Variants in ZNF836 observed in about 807,000 individuals in gnomAD.
The protein encoded by ZNF836 is zinc finger protein 836.
In ZNF836, 12 loss-of-function variants were observed where a neutral mutation model predicts 7.4. That is an observed-to-expected ratio of 1.61 (90% CI 1.03 to 2.61). The LOEUF (loss-of-function observed/expected upper bound fraction) is 2.61. Among genes scored for constraint, ZNF836 ranks in the 30% most tolerant of loss-of-function variants. The pLI, the probability that ZNF836 is intolerant of heterozygous loss-of-function variation, is 0.00. For missense variants in ZNF836, 998 were observed against 1,126.2 expected (o/e 0.89, Z 1.63); for synonymous variants, 365 against 382.6 (o/e 0.95, Z 0.54).
At chr19:52,162,138 C>A (rs1372671334) in intron 3 of ZNF836, among the ~76,000 whole-genome samples, 1 of 152,210 alleles carries the variant, frequency 6.6e-6, no homozygotes, top group Non-Finnish European at 1.5e-5. Flanking sequence ...TTGTTGGGAT[C>A]ACCCCACATG....
chr19:52,160,123 C>T (rs2089199753), intron 4 of ZNF836, among the ~76,000 whole-genome samples: 1 of 148,190 alleles, frequency 6.7e-6, no homozygotes, highest in African/African-American at 2.5e-5. Context: ...GCGGAGGTTG[C>T]AGTGAGTTGG....
At position 52,154,935 on chromosome 19, in the gene ZNF836, ACT is replaced by A. The variant is rs747384629; in HGVS notation, c.2746_2747del (p.Leu917Ter). Reference sequence around the variant, plus strand: ...TTTCCACATTGAATTTTGTTTTAAGACTCTCTGCAGTATGTTTTGTCTGATGT... The same window carrying A: ...TTTCCACATTGAATTTTGTTTTAAGACTCTGCAGTATGTTTTGTCTGATGT... ...TKHQTKHTAE[S>X]LKTKFNVEKP... is the part of the protein sequence containing the mutation. On this transcript the variant is annotated frameshift_variant, in exon 5 of 5. Coordinates refer to ENST00000682614, the MANE Select transcript of ZNF836 (RefSeq NM_001102657.3). LOFTEE classifies it low-confidence loss of function (END_TRUNC). 1.3e-6 allele frequency: 2 copies of A among 1,560,604 alleles called. No individual in the cohort carries two copies. The highest frequency in any genetic ancestry group is 2.3e-5 in the East Asian group (1 of 44,424).
intron 4 of ZNF836, 177 bp downstream of exon 4, chr19:52,160,288 A>T: frequency 1.5e-6 from 1 of 689,124 alleles, no homozygotes; most frequent in Non-Finnish European, 2.5e-6. Flanking sequence ...CAAAAAGGGG[A>T]TAGTGTGATG....
intron 3 of ZNF836, 83 bp downstream of exon 3, chr19:52,167,975 G>T: frequency 9.6e-7 from 1 of 1,043,118 alleles, no homozygotes; most frequent in Non-Finnish European, 1.5e-6. Context: ...GGATGCTTCA[G>T]ACTCAGAGGA....
rs2089170426 is a variant in ZNF836, at chr19:52,157,075, G to A, written c.608C>T (p.Ser203Leu). Residue 203 changes from serine (S) to leucine (L), a missense_variant, in exon 5 of 5, where the codon TCA becomes TTA. By Grantham distance (145) the Ser-to-Leu change is moderately radical. Coordinates refer to ENST00000682614, the MANE Select transcript of ZNF836 (RefSeq NM_001102657.3). ...KKYENEFLQL[S>L]LPTQLEKTHI... ...TGTTTTCTCAAGTTGGGTGGGTAAT[G>A]ACAGCTGCAAAAACTCATTCTCATA... 10 of 1,613,964 alleles carry A rather than the reference G, an allele frequency of 6.2e-6. No individual in the cohort carries two copies. The highest frequency in any genetic ancestry group is 8.5e-6 in the Non-Finnish European group (10 of 1,179,878).
chr19:52,156,577 T>G lies in ZNF836; in HGVS notation c.1106A>C (p.Gln369Pro), dbSNP rs2089162710. 1 of 1,614,176 alleles carries G rather than the reference T, an allele frequency of 6.2e-7. No individual in the cohort carries two copies. Among genetic ancestry groups the G allele is most frequent in the Non-Finnish European group, 8.5e-7 (1 of 1,180,016 alleles). The change falls in exon 5 of 5, where the codon CAG becomes CCG. Residue 369 changes from glutamine to proline, a missense_variant. Gln to Pro is a moderately conservative substitution (Grantham distance 76). Transcript: ENST00000682614. ...CTGGTGATTTACAAGATTAGAATTCTGCCTGAAGACCTTGCCACATATATC... is the reference window on the plus strand; with the variant it reads ...CTGGTGATTTACAAGATTAGAATTCGGCCTGAAGACCTTGCCACATATATC... ...QCDICGKVFR[Q>P]NSNLVNHQRI...
intron 3 of ZNF836, among the ~76,000 whole-genome samples, chr19:52,165,830 T>C (rs2089257624): frequency 6.6e-6 from 1 of 152,232 alleles, no homozygotes. Flanking sequence ...CTGGGGAAAA[T>C]GATAACTCTT....
chr19:52,157,281 G>A lies in ZNF836; in HGVS notation c.402C>T (p.Asn134=). 6.2e-7 allele frequency: 1 copy of A among 1,605,576 alleles called. No homozygotes were observed. ...ATGTAAGCTGATTTTCAATACATTTGTTTTCTACATCCTCTTGACTATGTT... is the reference window on the plus strand; with the variant it reads ...ATGTAAGCTGATTTTCAATACATTTATTTTCTACATCCTCTTGACTATGTT... ...RGQHSQEDVE[N]KCIENQLTLS... Residue 134 remains asparagine (N), a synonymous_variant, in exon 5 of 5, where the codon AAC becomes AAT. Coordinates refer to ENST00000682614, the MANE Select transcript of ZNF836 (RefSeq NM_001102657.3).
Position 52,156,965 on chromosome 19 carries a change from G to A in ZNF836, c.718C>T (p.His240Tyr). The A allele has an allele frequency of 6.2e-7, 1 of 1,614,154 alleles. No individual in the cohort carries two copies. Among genetic ancestry groups the A allele is most frequent in the Non-Finnish European group, 8.5e-7 (1 of 1,180,002 alleles). ...CATTTGTAAGGTTTCTCTGTAGTAT[G>A]TACCATCTGATGGTTAATAAGACTT... ...SSSLINHQMV[H>Y]TTEKPYKCNE... Residue 240 changes from histidine (H) to tyrosine (Y), a missense_variant, in exon 5 of 5, where the codon CAT becomes TAT. By Grantham distance (83) the His-to-Tyr change is moderately conservative. Coordinates refer to ENST00000682614, the MANE Select transcript of ZNF836 (RefSeq NM_001102657.3).
Position 52,160,545 on chromosome 19 carries a change from T to A in ZNF836, c.62A>T (p.Glu21Val). ...RDVAIEFSQE[E>V]WKSLDPVQKA... is the part of the protein sequence containing the mutation. ...CTGCACAGGGTCCAGGGATTTCCACTCCTCCTGAGAGAATTCTATGGCTAC... is the reference window on the plus strand; with the variant it reads ...CTGCACAGGGTCCAGGGATTTCCACACCTCCTGAGAGAATTCTATGGCTAC... Residue 21 changes from glutamate to valine, a missense_variant, in exon 4 of 5, where the codon GAG becomes GTG. Coordinates refer to ENST00000682614, the MANE Select transcript of ZNF836 (RefSeq NM_001102657.3). The A allele has an allele frequency of 7.4e-6, 12 of 1,613,722 alleles. No homozygotes were observed. Among genetic ancestry groups the A allele is most frequent in the Non-Finnish European group, 1.0e-5 (12 of 1,179,898 alleles).
In ZNF836 at chr19:52,154,914, C is replaced by T. The variant is rs1422879252; in HGVS notation, c.2769G>A (p.Val923=). ...TAESLKTKFN[V]EKPLDVLLTS... is the part of the protein sequence containing the mutation. Reference sequence around the variant, plus strand: ...TTAGGAGAACATCTAAAGGCTTTTCCACATTGAATTTTGTTTTAAGACTCT... The same window carrying T: ...TTAGGAGAACATCTAAAGGCTTTTCTACATTGAATTTTGTTTTAAGACTCT... Residue 923 remains valine (V), a synonymous_variant, in exon 5 of 5, where the codon GTG becomes GTA. Transcript: ENST00000682614. 2.6e-6 allele frequency: 4 copies of T among 1,537,716 alleles called. No individual in the cohort carries two copies. The highest frequency in any genetic ancestry group is 2.6e-6 in the Non-Finnish European group (3 of 1,145,014).
chr19:52,158,236 T>A (rs1391015906), intron 4 of ZNF836, among the ~76,000 whole-genome samples: 1 of 152,182 alleles, frequency 6.6e-6, no homozygotes, highest in African/African-American at 2.4e-5. Context: ...AATAGTTATA[T>A]ACATATATAT....
At chr19:52,158,987 T>C (rs528693432) in intron 4 of ZNF836, among the ~76,000 whole-genome samples, 3 of 152,254 alleles carry the variant, frequency 2.0e-5, no homozygotes, top group South Asian at 2.1e-4. Context: ...CTTTTGCTTT[T>C]TGCACGGCAA....
chr19:52,154,817 A>C lies in ZNF836; in HGVS notation c.*55T>G, dbSNP rs2089135645. 7 of 1,409,426 alleles carry C rather than the reference A, an allele frequency of 5.0e-6. No homozygotes were observed. In the African/African-American group the frequency reaches 8.7e-5, roughly 18 times the overall value. 87.3% of individuals were successfully genotyped at this position (1,409,426 alleles called of 1,614,324 possible). A position where few individuals can be genotyped will look rare whatever the true frequency, so the allele number is the denominator to read the frequency against. ...CTCCAATAAAGGGGATTAAAATTCC[A>C]CATGAGATTTCAGACGGAAGTGACA... On this transcript the variant is annotated 3_prime_UTR_variant, in exon 5 of 5. Transcript: ENST00000682614.
At position 52,156,588 on chromosome 19, in the gene ZNF836, C is replaced by G; in HGVS notation, c.1095G>C (p.Lys365Asn). Residue 365 changes from lysine (K) to asparagine (N), a missense_variant, in exon 5 of 5, where the codon AAG (lysine) becomes AAC (asparagine). Transcript: ENST00000682614. ...EKPYQCDICG[K>N]VFRQNSNLVN... ...CAAGATTAGAATTCTGCCTGAAGAC[C>G]TTGCCACATATATCACATTGATATG... The G allele has an allele frequency of 6.2e-7, 1 of 1,613,460 alleles. No individual in the cohort carries two copies. Among genetic ancestry groups the G allele is most frequent in the Non-Finnish European group, 8.5e-7 (1 of 1,179,572 alleles).
chr19:52,167,977 C>T, intron 3 of ZNF836, 81 bp downstream of exon 3: 1 of 1,077,424 alleles, frequency 9.3e-7, no homozygotes, highest in Non-Finnish European at 1.4e-6. Flanking sequence ...ATGCTTCAGA[C>T]TCAGAGGAGA....
Position 52,156,816 on chromosome 19 carries a change from A to T in ZNF836, c.867T>A (p.Leu289=). 2 of 1,614,200 alleles carry T rather than the reference A, an allele frequency of 1.2e-6. No individual in the cohort carries two copies. Among genetic ancestry groups the T allele is most frequent in the Non-Finnish European group, 1.7e-6 (2 of 1,180,028 alleles). Residue 289 remains leucine, a synonymous_variant, in exon 5 of 5, where the codon CTT becomes CTA. Coordinates refer to ENST00000682614, the MANE Select transcript of ZNF836 (RefSeq NM_001102657.3). ...CGKIFRQNSD[L]VNHRRSHTGE... ...CAGTGTGACTTCTCCGGTGATTTAC[A>T]AGATCTGAATTTTGTCTGAAGATCT...
rs1488846108 is a variant in ZNF836, at chr19:52,160,762, A to G, written c.16-171T>C. 9.6e-6 allele frequency: 7 copies of G among 732,288 alleles called. 1 individual carries two copies. Among genetic ancestry groups the G allele is most frequent in the East Asian group, 5.8e-5 (2 of 34,780 alleles). The allele number at this position is 732,288 out of a possible 1,614,324, so 45.4% of individuals were successfully genotyped here. ...TAATTTAAGTTTGTTTTAAAATTCA[A>G]TAGAAGATTATGATATCCCGTAAAT... is the stretch of plus-strand genomic sequence containing the variant. On this transcript the variant is annotated intron_variant, in intron 3 of 4. Coordinates refer to ENST00000682614, the MANE Select transcript of ZNF836 (RefSeq NM_001102657.3).
At position 52,155,488 on chromosome 19, in the gene ZNF836, C is replaced by G. The variant is rs2089145338; in HGVS notation, c.2195G>C (p.Ser732Thr). The G allele has an allele frequency of 1.9e-6, 3 of 1,613,834 alleles. No homozygotes were observed. Among genetic ancestry groups the G allele is most frequent in the East Asian group, 2.2e-5 (1 of 44,900 alleles). ...HKCSHCGRTF[S>T]HITGLTYHQR... ...ATGGTACGTCAGGCCTGTTATATGA[C>G]TAAAAGTTCTACCACAATGGCTACA... The change falls in exon 5 of 5, where the codon AGT becomes ACT. Residue 732 changes from serine to threonine, a missense_variant. Coordinates refer to ENST00000682614, the MANE Select transcript of ZNF836 (RefSeq NM_001102657.3).
Sources: gnomAD v4.1 joint callset for allele counts (sites outside exome capture counted in the v4.1 genomes callset) on GRCh38, gnomAD v4.1.1 for gene constraint, MANE v1.5 for transcripts, NCBI Gene and HGNC (gene_info 2026-07-23, HGNC 2026-07-21) for gene names.